PLD2: variants seen among roughly 807,000 people sequenced by gnomAD.
The protein encoded by PLD2 is phospholipase D2.
In PLD2, 101 loss-of-function variants were observed where a neutral mutation model predicts 119.8. The observed-to-expected ratio is 0.84, with a 90% confidence interval of 0.72 to 0.99. The LOEUF is 0.99. PLD2 is among the 50% of genes least tolerant of loss of function. The pLI, the probability that PLD2 is intolerant of heterozygous loss-of-function variation, is 0.00. For synonymous variants in PLD2, 494 were observed against 482.8 expected (o/e 1.02, Z -0.30); for missense variants, 1,164 against 1,226.8 (o/e 0.95, Z 0.76).
At position 4,819,621 on chromosome 17, in the gene PLD2, T is replaced by C; in HGVS notation, c.2462+39T>C. On this transcript the variant is annotated intron_variant, in intron 23 of 24. Coordinates refer to ENST00000263088, the MANE Select transcript of PLD2 (RefSeq NM_002663.5). The surrounding 1 kb of genome is among the most constrained non-coding windows in gnomAD (Gnocchi z 4.2). ...GGGATGCCACAGGGTGGGAGGGAGA[T>C]GGGGGCGTCTGCCTTTTGAGCAGGA... 3 of 1,564,732 alleles carry C rather than the reference T, an allele frequency of 1.9e-6. No individual in the cohort carries two copies. Among genetic ancestry groups the C allele is most frequent in the Non-Finnish European group, 2.6e-6 (3 of 1,151,338 alleles).
At chr17:4,822,209 G>A (rs890045734) in intron 24 of PLD2, among the ~76,000 whole-genome samples, 11 of 152,022 alleles carry the variant, frequency 7.2e-5, no homozygotes, top group Non-Finnish European at 1.3e-4. Flanking sequence ...GCTAGGTGTG[G>A]CTGGGAGGCT....
chr17:4,807,805 T>C lies in PLD2; in HGVS notation c.33T>C (p.Thr11=). The C allele has an allele frequency of 6.2e-7, 1 of 1,610,206 alleles. No individual in the cohort carries two copies. The stretch of plus-strand genomic sequence containing the variant: ...CGACCCCTGAGAGCCTCTTCCCCAC[T>C]GGGGACGAACTGGACTCCAGCCAGC... The part of the protein sequence containing the change: MTATPESLFP[T]GDELDSSQLQ... Residue 11 remains threonine, a synonymous_variant, in exon 2 of 25, where the codon ACT becomes ACC. Transcript: ENST00000263088. This position sits in a 1 kb window ranked among gnomAD's most constrained non-coding sequence, Gnocchi z 5.4.
At position 4,822,793 on chromosome 17, in the gene PLD2, C is replaced by T; in HGVS notation, c.2731C>T (p.Leu911=). The T allele has an allele frequency of 4.3e-6, 7 of 1,613,950 alleles. No individual in the cohort carries two copies. Among genetic ancestry groups the T allele is most frequent in the Non-Finnish European group, 5.9e-6 (7 of 1,179,800 alleles). The change falls in exon 25 of 25, where the codon CTA becomes TTA. Residue 911 remains leucine, a synonymous_variant. Transcript: ENST00000263088. ...CCTGGTCCACTTCCCCCTCAAGTTC[C>T]TAGAGGATGAGTCTTTGCTGCCCCC... The part of the protein sequence containing the change: ...GHLVHFPLKF[L]EDESLLPPLG...
At chr17:4,815,026 G>A (rs537778096) in intron 12 of PLD2, among the ~76,000 whole-genome samples, 316 of 152,210 alleles carry the variant, frequency 2.1e-3, no homozygotes, top group Non-Finnish European at 3.3e-3. Flanking sequence ...TCCACTACAA[G>A]GCACAGTACC....
chr17:4,808,450 A>T lies in PLD2; in HGVS notation c.383+34A>T. 1 of 1,601,818 alleles carries T rather than the reference A, an allele frequency of 6.2e-7. No individual in the cohort carries two copies. The highest frequency in any genetic ancestry group is 1.1e-5 in the South Asian group (1 of 89,800). ...GACCGGACTGCTTCCTGTAGAGGGC[A>T]GGTGCTCCCCACCCTCCTTTCTGTC... On this transcript the variant is annotated intron_variant, in intron 4 of 24. Coordinates refer to ENST00000263088, the MANE Select transcript of PLD2 (RefSeq NM_002663.5). This position sits in a 1 kb window ranked among gnomAD's most constrained non-coding sequence, Gnocchi z 4.1.
chr17:4,810,371 G>A (rs1222582766), intron 9 of PLD2, among the ~76,000 whole-genome samples: 9 of 152,118 alleles, frequency 5.9e-5, no homozygotes, highest in Non-Finnish European at 1.0e-4. Context: ...ATGGCCGGGC[G>A]CGGTGGCTCA....
intron 10 of PLD2, among the ~76,000 whole-genome samples, chr17:4,812,693 C>T (rs985988108): frequency 4.6e-5 from 7 of 152,144 alleles, no homozygotes; most frequent in Non-Finnish European, 1.0e-4. Context: ...TAGTGGGGCA[C>T]ACGAGGGAAC....
In PLD2 at chr17:4,810,147, G is replaced by A. The variant is rs117751202; in HGVS notation, c.860+118G>A. On this transcript the variant is annotated intron_variant, in intron 9 of 24. Coordinates refer to ENST00000263088, the MANE Select transcript of PLD2 (RefSeq NM_002663.5). Reference sequence around the variant, plus strand: ...GAAGGCTTTTCCACCTCCCTGGATCGGGACATAGTTTTGAACCAGGAACTG... The same window carrying A: ...GAAGGCTTTTCCACCTCCCTGGATCAGGACATAGTTTTGAACCAGGAACTG... 1.5e-4 allele frequency: 162 copies of A among 1,046,096 alleles called. No homozygotes were observed. The East Asian group carries it at 3.0e-3, about 19-fold the overall frequency. 64.8% of individuals were successfully genotyped at this position (1,046,096 alleles called of 1,614,324 possible). A position where few individuals can be genotyped will look rare whatever the true frequency, so the allele number is the denominator to read the frequency against.
intron 23 of PLD2, among the ~76,000 whole-genome samples, chr17:4,820,570 A>T (rs1473247745): frequency 1.4e-5 from 2 of 140,442 alleles, no homozygotes; most frequent in African/African-American, 5.4e-5. Flanking sequence ...AAAAAAAAAA[A>T]ATCTTTTTTT....
intron 13 of PLD2, 53 bp downstream of exon 13, chr17:4,815,639 G>C (rs1230877296): frequency 6.3e-7 from 1 of 1,579,936 alleles, no homozygotes. Context: ...TCCCCACACT[G>C]TCCCAGCCCC....
In PLD2 at chr17:4,815,790, G is replaced by C; in HGVS notation, c.1311G>C (p.Thr437=). 1 of 1,614,066 alleles carries C rather than the reference G, an allele frequency of 6.2e-7. No homozygotes were observed. The highest frequency in any genetic ancestry group is 8.5e-7 in the Non-Finnish European group (1 of 1,179,974). ...IKVMRHPDQV[T]LWAHHEKLLV... ...TGATGCGTCACCCAGACCAAGTGAC[G>C]TTGTGGGCCCATCATGAGAAGCTCC... Residue 437 remains threonine, a synonymous_variant, in exon 14 of 25, where the codon ACG becomes ACC. Coordinates refer to ENST00000263088, the MANE Select transcript of PLD2 (RefSeq NM_002663.5).
chr17:4,810,686 A>G (rs7212512), intron 9 of PLD2, 116 bp from the exon 10 acceptor site: 276,436 of 982,936 alleles, frequency 0.28, 39,746 homozygotes, highest in East Asian at 0.39. Flanking sequence ...TACACGCCCT[A>G]TCCCTGTGCA....
intron 10 of PLD2, among the ~76,000 whole-genome samples, chr17:4,813,926 A>G (rs1399116647): frequency 3.3e-5 from 5 of 152,222 alleles, no homozygotes; most frequent in Non-Finnish European, 7.3e-5. Flanking sequence ...CCCATAGTCT[A>G]TGAGAATACC....
chr17:4,816,528 T>C (rs1906989343), intron 14 of PLD2, 92 bp from the exon 15 acceptor site: 3 of 1,322,542 alleles, frequency 2.3e-6, no homozygotes, highest in Non-Finnish European at 3.3e-6. Context: ...TCTCGGTCTC[T>C]CTCACTCTTT....
At position 4,816,507 on chromosome 17, in the gene PLD2, T is replaced by C. The variant is rs1906987208; in HGVS notation, c.1456-113T>C. Reference sequence around the variant, plus strand: ...AGGGCTGGGGAATCAGACCCTCTGTTTCATTCTTCCTCTCGGTCTCTCTCA... The same window carrying C: ...AGGGCTGGGGAATCAGACCCTCTGTCTCATTCTTCCTCTCGGTCTCTCTCA... On this transcript the variant is annotated intron_variant, in intron 14 of 24. Coordinates refer to ENST00000263088, the MANE Select transcript of PLD2 (RefSeq NM_002663.5). 2.6e-6 allele frequency: 3 copies of C among 1,142,474 alleles called. No homozygotes were observed. The South Asian group carries it at 4.0e-5, about 15-fold the overall frequency. The allele number at this position is 1,142,474 out of a possible 1,614,324, so 70.8% of individuals were successfully genotyped here.
chr17:4,822,891 C>G lies in PLD2; in HGVS notation c.*27C>G, dbSNP rs1435237500. ...TGAGGCCCCCGTCAGGGAGAGGTCA[C>G]CAGCTGCTGTGCCCCACCACGTCTG... is the stretch of plus-strand genomic sequence containing the variant. On this transcript the variant is annotated 3_prime_UTR_variant, in exon 25 of 25. Transcript: ENST00000263088. The G allele has an allele frequency of 1.5e-6, 2 of 1,317,554 alleles. No homozygotes were observed. Among genetic ancestry groups the G allele is most frequent in the Admixed American group, 3.5e-5 (2 of 57,242 alleles). The allele number at this position is 1,317,554 out of a possible 1,614,324, so 81.6% of individuals were successfully genotyped here.
At chr17:4,820,501 C>G (rs1474327976) in intron 23 of PLD2, among the ~76,000 whole-genome samples, 1 of 148,962 alleles carries the variant, frequency 6.7e-6, no homozygotes, top group Non-Finnish European at 1.5e-5. Flanking sequence ...CTCCTGACCT[C>G]AGGCTTCGGC....
At chr17:4,812,135 A>G (rs1567527495) in intron 10 of PLD2, among the ~76,000 whole-genome samples, 1 of 150,190 alleles carries the variant, frequency 6.7e-6, no homozygotes, top group Non-Finnish European at 1.5e-5. Context: ...TTTTTTTTTA[A>G]GGCAGAGTTT....
In PLD2 at chr17:4,823,152, G is replaced by A; in HGVS notation, c.*288G>A. 2.9e-6 allele frequency: 1 copy of A among 345,412 alleles called. No individual in the cohort carries two copies. The highest frequency in any genetic ancestry group is 7.4e-5 in the South Asian group (1 of 13,482). 21.4% of individuals were successfully genotyped at this position (345,412 alleles called of 1,614,324 possible). Reference sequence around the variant, plus strand: ...AAGGAGAAGCACAGCTCCTGCCAGGGTGAGCAGGGTCAAGCCTCTTATTCC... The same window carrying A: ...AAGGAGAAGCACAGCTCCTGCCAGGATGAGCAGGGTCAAGCCTCTTATTCC... On this transcript the variant is annotated 3_prime_UTR_variant, in exon 25 of 25. Transcript: ENST00000263088.
Sources: gnomAD v4.1 joint callset for allele counts (sites outside exome capture counted in the v4.1 genomes callset) on GRCh38, gnomAD v4.1.1 for gene constraint, Gnocchi (gnomAD v3.1) non-coding constraint, MANE v1.5 for transcripts, NCBI Gene and HGNC (gene_info 2026-07-23, HGNC 2026-07-21) for gene names.